Variants in FREM1 observed in about 807,000 individuals in gnomAD.
FREM1 encodes the protein FRAS1 related extracellular matrix 1.
In FREM1, 220 loss-of-function variants were observed where a neutral mutation model predicts 210.1. The observed-to-expected ratio is 1.05, with a 90% confidence interval of 0.94 to 1.17. FREM1 has a LOEUF of 1.17. FREM1 is among the 50% of genes most tolerant of loss of function. The probability of loss-of-function intolerance (pLI) is 0.00; values close to 1 mark genes in which losing one functional copy is unlikely to be tolerated. For synonymous variants in FREM1, 1,189 were observed against 980.2 expected (o/e 1.21, Z -3.98); for missense variants, 3,454 against 2,675.5 (o/e 1.29, Z -6.42).
chr9:14,780,431 C>CAAAAAAAAAAAAAAAA (rs1346003658), intron 24 of FREM1, among the ~76,000 whole-genome samples: 1 of 48,798 alleles, frequency 2.0e-5, no homozygotes, highest in Non-Finnish European at 4.6e-5. Flanking sequence ...GCCAGCTCCT[C>CAAAAAAAAAAAAAAAA]AGAAAAAAAA....
At chr9:14,783,200 T>G (rs970848525) in intron 24 of FREM1, among the ~76,000 whole-genome samples, 2 of 152,252 alleles carry the variant, frequency 1.3e-5, no homozygotes. Flanking sequence ...ATCATTTTAA[T>G]GCTAAAAAGG....
At chr9:14,825,464 G>C (rs1822170496) in intron 10 of FREM1, among the ~76,000 whole-genome samples, 1 of 138,306 alleles carries the variant, frequency 7.2e-6, no homozygotes, top group Non-Finnish European at 1.5e-5. Flanking sequence ...CTCCAGCCTG[G>C]ATGACAAGAA....
At chr9:14,769,946 T>C in intron 26 of FREM1, 78 bp from the exon 27 acceptor site, 1 of 699,506 alleles carries the variant, frequency 1.4e-6, no homozygotes, top group Non-Finnish European at 2.3e-6. Flanking sequence ...GTATGGCTAT[T>C]TTATTTTAAA....
At position 14,851,574 on chromosome 9, in the gene FREM1, C is replaced by T; in HGVS notation, c.862G>A (p.Ala288Thr). 2 of 1,613,848 alleles carry T rather than the reference C, an allele frequency of 1.2e-6. No homozygotes were observed. Among genetic ancestry groups the T allele is most frequent in the South Asian group, 1.1e-5 (1 of 91,066 alleles). ...TTTGGAATCTGATTCGGAATTCCAG[C>T]TCTGATATAGACAGGCAGCCACGCA... ...ESAWLPVYIR[A>T]GIPNQIPKAA... Residue 288 changes from alanine (A) to threonine (T), a missense_variant, in exon 6 of 37, where the codon GCT becomes ACT. Ala to Thr is a moderately conservative substitution (Grantham distance 58). Coordinates refer to ENST00000380880, the MANE Select transcript of FREM1 (RefSeq NM_001379081.2).
chr9:14,745,787 C>T (rs952004613), intron 35 of FREM1, among the ~76,000 whole-genome samples: 1 of 152,214 alleles, frequency 6.6e-6, no homozygotes, highest in Non-Finnish European at 1.5e-5. Context: ...TTCTGGACTA[C>T]ATACATTGGT....
In FREM1 at chr9:14,792,724, A is replaced by G. The variant is rs1851646933; in HGVS notation, c.3981+19T>C. On this transcript the variant is annotated intron_variant, in intron 22 of 36. Coordinates refer to ENST00000380880, the MANE Select transcript of FREM1 (RefSeq NM_001379081.2). ...CCTGCTACGTTAGTTTTGAAAAATA[A>G]AAGTAAGAAGTCACTAACCTTAAGC... The G allele has an allele frequency of 6.4e-7, 1 of 1,562,504 alleles. No homozygotes were observed. Among genetic ancestry groups the G allele is most frequent in the African/African-American group, 1.4e-5 (1 of 72,754 alleles).
At chr9:14,904,002 G>T (rs1817211229) in intron 1 of FREM1, among the ~76,000 whole-genome samples, 1 of 150,470 alleles carries the variant, frequency 6.6e-6, no homozygotes, top group African/African-American at 2.4e-5. Context: ...GGCGCCTGTA[G>T]TCCCAGCTGC....
At chr9:14,828,710 CTAT>C (rs1201811965) in intron 10 of FREM1, among the ~76,000 whole-genome samples, 1 of 145,668 alleles carries the variant, frequency 6.9e-6, no homozygotes, top group African/African-American at 2.6e-5. Context: ...AAATAAATTT[CTAT>C]TATTTCTAAA....
At chr9:14,840,977 A>T (rs941275747) in intron 10 of FREM1, among the ~76,000 whole-genome samples, 2 of 152,226 alleles carry the variant, frequency 1.3e-5, no homozygotes, top group African/African-American at 4.8e-5. Context: ...AAATGTTCTC[A>T]GTACTTTATA....
At chr9:14,797,387 G>A in intron 21 of FREM1, 111 bp downstream of exon 21, 4 of 765,642 alleles carry the variant, frequency 5.2e-6, no homozygotes, top group Non-Finnish European at 7.7e-6. Flanking sequence ...GCTGTGACAG[G>A]AGCTAGCGAA....
chr9:14,851,915 T>C (rs1471181762), intron 5 of FREM1, among the ~76,000 whole-genome samples: 1 of 152,196 alleles, frequency 6.6e-6, no homozygotes, highest in African/African-American at 2.4e-5. Context: ...GAAGGAACTG[T>C]GTTTATCATT....
chr9:14,865,661 CTGTGTG>C (rs56960871), intron 2 of FREM1, among the ~76,000 whole-genome samples: 129 of 144,610 alleles, frequency 8.9e-4, no homozygotes, highest in African/African-American at 2.1e-3. Context: ...AATGTTTAGG[CTGTGTG>C]TGTGTGTGTG....
chr9:14,774,541 C>CTCTG (rs1479585545), intron 25 of FREM1, among the ~76,000 whole-genome samples: 1 of 150,830 alleles, frequency 6.6e-6, no homozygotes, highest in East Asian at 1.9e-4. Flanking sequence ...CTCTCTCTCT[C>CTCTG]TCTCTCTCTC....
At chr9:14,824,569 A>G (rs945608227) in intron 11 of FREM1, among the ~76,000 whole-genome samples, 3 of 152,238 alleles carry the variant, frequency 2.0e-5, no homozygotes, top group African/African-American at 4.8e-5. Flanking sequence ...TAAGCCTACC[A>G]ATGCTGAAGA....
intron 28 of FREM1, 95 bp downstream of exon 28, chr9:14,759,677 T>G: frequency 4.1e-6 from 5 of 1,217,388 alleles, no homozygotes; most frequent in Non-Finnish European, 5.6e-6. Flanking sequence ...TGAAATTTCC[T>G]TGGTCACTCT....
chr9:14,759,960 C>T, intron 27 of FREM1, 59 bp from the exon 28 acceptor site: 2 of 1,414,098 alleles, frequency 1.4e-6, no homozygotes, highest in Non-Finnish European at 1.9e-6. Flanking sequence ...TATAGGGATT[C>T]TCTGCTGAGC....
chr9:14,891,574 A>G (rs1297297664), intron 1 of FREM1, among the ~76,000 whole-genome samples: 1 of 152,234 alleles, frequency 6.6e-6, no homozygotes, highest in Admixed American at 6.5e-5. Context: ...AAAGCAAAAC[A>G]AAACAGCAAG....
Position 14,869,165 on chromosome 9 carries a change from C to A in FREM1, c.-188G>T. 1.9e-6 allele frequency: 1 copy of A among 528,346 alleles called. No individual in the cohort carries two copies. Among genetic ancestry groups the A allele is most frequent in the South Asian group, 3.4e-5 (1 of 29,202 alleles). The allele number at this position is 528,346 out of a possible 1,614,324, so 32.7% of individuals were successfully genotyped here. A position where few individuals can be genotyped will look rare whatever the true frequency, so the allele number is the denominator to read the frequency against. On this transcript the variant is annotated 5_prime_UTR_variant, in exon 2 of 37. Transcript: ENST00000380880. ...AGACAAGGGGGCCTTTCAGGCAATC[C>A]CAGGGCTTTTAATAAAACTCGCTGA...
intron 10 of FREM1, among the ~76,000 whole-genome samples, chr9:14,839,640 A>C (rs567947495): frequency 6.6e-6 from 1 of 152,366 alleles, no homozygotes; most frequent in African/African-American, 2.4e-5. Context: ...ATTCAGAAAT[A>C]ATTATGCTGC....
Sources: gnomAD v4.1 joint callset for allele counts (sites outside exome capture counted in the v4.1 genomes callset) on GRCh38, gnomAD v4.1.1 for gene constraint, MANE v1.5 for transcripts, NCBI Gene and HGNC (gene_info 2026-07-23, HGNC 2026-07-21) for gene names.